ZNF730: variants seen among roughly 807,000 people sequenced by gnomAD.
ZNF730 encodes the protein zinc finger protein 730, also known as putative zinc finger protein 730.
ZNF730 carries 12 observed loss-of-function variants against 12.6 expected under a neutral mutation model. The ratio of observed to expected loss-of-function variants is 0.95; its 90% confidence interval spans 0.61 to 1.54. ZNF730 has a LOEUF of 1.54. ZNF730 is among the 40% of genes most tolerant of loss of function. The pLI is 0.00. For synonymous variants in ZNF730, 194 were observed against 195.8 expected (o/e 0.99, Z 0.08); for missense variants, 643 against 583.5 (o/e 1.10, Z -1.05).
At chr19:23,083,490 T>C (rs1970002520) in intron 1 of ZNF730, among the ~76,000 whole-genome samples, 1 of 152,154 alleles carries the variant, frequency 6.6e-6, no homozygotes, top group South Asian at 2.1e-4. Flanking sequence ...CTATTTTTAA[T>C]TATTCGAGGA....
At chr19:23,080,840 T>C (rs933514449) in intron 1 of ZNF730, among the ~76,000 whole-genome samples, 1 of 145,276 alleles carries the variant, frequency 6.9e-6, no homozygotes, top group Non-Finnish European at 1.5e-5. Context: ...TGTTTCTTTT[T>C]TCTTTTCTTT....
In ZNF730 at chr19:23,118,124, CATT is replaced by C. The variant is rs1423583064; in HGVS notation, c.3+954_3+956del. Among the ~76,000 whole-genome samples the C allele has an allele frequency of 2.6e-5, 4 of 152,260 alleles. No individual in the cohort carries two copies. In the South Asian group the frequency reaches 8.3e-4, roughly 32 times the overall value. On this transcript the variant is annotated intron_variant, in intron 1 of 3. Coordinates refer to ENST00000597761, the MANE Select transcript of ZNF730 (RefSeq NM_001277403.2). Reference sequence around the variant, plus strand: ...ATGCCAACTTTCCCTCTCTAATTCACATTATTATCTGTTTGTCCTTTAGGGTAC... The same window carrying C: ...ATGCCAACTTTCCCTCTCTAATTCACATTATCTGTTTGTCCTTTAGGGTAC...
At chr19:23,115,359 A>C (rs1337821222), upstream of ZNF730, among the ~76,000 whole-genome samples, 1 of 152,212 alleles carries the variant, frequency 6.6e-6, no homozygotes, top group Non-Finnish European at 1.5e-5. Context: ...AAAAGGCAGA[A>C]TGATACTAAT....
chr19:23,094,665 G>T (rs914606482), intron 1 of ZNF730, among the ~76,000 whole-genome samples: 4 of 151,678 alleles, frequency 2.6e-5, no homozygotes, highest in Non-Finnish European at 5.9e-5. Context: ...GTAGAAATGG[G>T]GTTTCAACAT....
At chr19:23,120,165 T>C (rs1277686773) in intron 1 of ZNF730, among the ~76,000 whole-genome samples, 1 of 151,962 alleles carries the variant, frequency 6.6e-6, no homozygotes, top group Non-Finnish European at 1.5e-5. Flanking sequence ...CGGCTAATTT[T>C]TGTATTTGTA....
upstream of ZNF730, among the ~76,000 whole-genome samples, chr19:23,115,153 GTCT>G (rs1246542046): frequency 2.7e-5 from 4 of 150,350 alleles, no homozygotes; most frequent in African/African-American, 9.8e-5. Context: ...AAAAAAAACT[GTCT>G]TCTTTTGCAG....
At chr19:23,135,040 A>G (rs985451350) in intron 2 of ZNF730, among the ~76,000 whole-genome samples, 2 of 123,914 alleles carry the variant, frequency 1.6e-5, no homozygotes, top group Non-Finnish European at 3.3e-5. Flanking sequence ...GCTCGTTAAG[A>G]GTCATCACCA....
At chr19:23,118,563 G>A (rs1288738655) in intron 1 of ZNF730, among the ~76,000 whole-genome samples, 1 of 152,116 alleles carries the variant, frequency 6.6e-6, no homozygotes, top group African/African-American at 2.4e-5. Flanking sequence ...ATGAAGTGTA[G>A]TCTCTCAAGA....
At chr19:23,082,889 G>T (rs971340951) in intron 1 of ZNF730, among the ~76,000 whole-genome samples, 1 of 151,866 alleles carries the variant, frequency 6.6e-6, no homozygotes, top group South Asian at 2.1e-4. Context: ...TTAGGGGACG[G>T]GGTTTCTGCA....
chr19:23,077,034 A>T (rs1969873642), intron 1 of ZNF730, among the ~76,000 whole-genome samples: 1 of 152,162 alleles, frequency 6.6e-6, no homozygotes, highest in African/African-American at 2.4e-5. Context: ...TGTCTTTCGG[A>T]GGAATGTGGA....
chr19:23,125,387 G>A (rs993986898), intron 1 of ZNF730, among the ~76,000 whole-genome samples: 1 of 152,174 alleles, frequency 6.6e-6, no homozygotes, highest in African/African-American at 2.4e-5. Context: ...GAACTCCCTA[G>A]AAACTTGTTG....
chr19:23,127,624 TG>T, intron 1 of ZNF730: 1 of 1,036,526 alleles, frequency 9.6e-7, no homozygotes, highest in Non-Finnish European at 1.5e-6. Context: ...GTTTAAAATT[TG>T]GCAATAAACT....
At chr19:23,136,892 T>A (rs1032432610) in intron 3 of ZNF730, among the ~76,000 whole-genome samples, 1 of 152,120 alleles carries the variant, frequency 6.6e-6, no homozygotes, top group African/African-American at 2.4e-5. Flanking sequence ...CATTTTAGCC[T>A]GGGCATGGTG....
chr19:23,095,188 C>T (rs964578340), intron 1 of ZNF730: 20 of 393,388 alleles, frequency 5.1e-5, no homozygotes, highest in African/African-American at 3.7e-4. Context: ...TGACACTGCC[C>T]ACAGAGGACA....
intron 3 of ZNF730, among the ~76,000 whole-genome samples, chr19:23,140,285 A>C (rs184452942): frequency 1.1e-4 from 17 of 152,248 alleles, no homozygotes; most frequent in African/African-American, 4.1e-4. Flanking sequence ...ATTTGAAAAA[A>C]TTTATAATTT....
Position 23,145,519 on chromosome 19 carries a change from A to G in ZNF730, c.475A>G (p.Asn159Asp), listed in dbSNP as rs1465330409. 15 of 1,559,750 alleles carry G rather than the reference A, an allele frequency of 9.6e-6. No homozygotes were observed. The Admixed American group carries it at 2.7e-4, about 28-fold the overall frequency. The part of the protein sequence containing the change: ...KYVKVFHKFS[N>D]SNRHKIRHTS... The stretch of plus-strand genomic sequence containing the variant: ...TGTGAAAGTCTTTCATAAATTTTCA[A>G]ATTCAAACAGACATAAGATAAGACA... Residue 159 changes from asparagine to aspartate, a missense_variant, in exon 4 of 4, where the codon AAT becomes GAT. Asn to Asp is a conservative substitution (Grantham distance 23, BLOSUM62 1). Coordinates refer to ENST00000597761, the MANE Select transcript of ZNF730 (RefSeq NM_001277403.2).
chr19:23,131,746 C>A (rs1970745250), intron 1 of ZNF730, among the ~76,000 whole-genome samples: 1 of 152,190 alleles, frequency 6.6e-6, no homozygotes, highest in South Asian at 2.1e-4. Flanking sequence ...TTCCTGTATC[C>A]TTTCAAAACC....
At chr19:23,115,428 A>C (rs899659715), upstream of ZNF730, among the ~76,000 whole-genome samples, 34 of 152,218 alleles carry the variant, frequency 2.2e-4, no homozygotes, top group African/African-American at 8.2e-4. Context: ...GCTTTTTTAC[A>C]GCCGTTCCCA....
chr19:23,078,809 T>TC (rs1353400793), intron 1 of ZNF730, among the ~76,000 whole-genome samples: 1 of 152,034 alleles, frequency 6.6e-6, no homozygotes, highest in East Asian at 1.9e-4. Flanking sequence ...AAGACAATTA[T>TC]CTTTTTTTTT....
Sources: gnomAD v4.1 joint callset for allele counts (sites outside exome capture counted in the v4.1 genomes callset) on GRCh38, gnomAD v4.1.1 for gene constraint, MANE v1.5 for transcripts, NCBI Gene and HGNC (gene_info 2026-07-23, HGNC 2026-07-21) for gene names.